PHLDB2: variants seen among roughly 807,000 people sequenced by gnomAD.
PHLDB2 encodes the protein pleckstrin homology-like domain family B member 2.
In PHLDB2, 71 loss-of-function variants were observed where a neutral mutation model predicts 123.6. That is an observed-to-expected ratio of 0.57 (90% CI 0.47 to 0.70). PHLDB2 has a LOEUF of 0.70. Among genes scored for constraint, PHLDB2 ranks in the 30% least tolerant of loss-of-function variants. The pLI, the probability that PHLDB2 is intolerant of heterozygous loss-of-function variation, is 0.00. For missense variants in PHLDB2, 1,446 were observed against 1,519.5 expected, an observed-to-expected ratio of 0.95 and a Z score of 0.80; for synonymous variants, 547 against 541.6, an observed-to-expected ratio of 1.01 and a Z score of -0.14.
intron 1 of PHLDB2, among the ~76,000 whole-genome samples, chr3:111,760,758 A>T (rs56052712): frequency 0.19 from 28,808 of 151,934 alleles, 2,880 homozygotes; most frequent in African/African-American, 0.21. Context: ...CAGAGCTTAG[A>T]TTAAAAAACT....
intron 6 of PHLDB2, among the ~76,000 whole-genome samples, chr3:111,935,500 AAGATAGATAGAT>A (rs67765854): frequency 4.1e-4 from 60 of 145,748 alleles, no homozygotes; most frequent in African/African-American, 8.2e-4. Flanking sequence ...ATGTGTATAT[AAGATAGATAGAT>A]AGATAGATAG....
intron 1 of PHLDB2, among the ~76,000 whole-genome samples, chr3:111,757,178 T>G (rs1406599916): frequency 3.3e-5 from 5 of 152,332 alleles, no homozygotes; most frequent in Admixed American, 2.0e-4. Flanking sequence ...TGTATTTCCT[T>G]AATCTGAATG....
At chr3:111,881,803 A>G (rs1192055118) in intron 1 of PHLDB2, among the ~76,000 whole-genome samples, 1 of 149,224 alleles carries the variant, frequency 6.7e-6, no homozygotes, top group African/African-American at 2.5e-5. Flanking sequence ...TTTCTAGGCT[A>G]CACAGTTAGT....
intron 1 of PHLDB2, among the ~76,000 whole-genome samples, chr3:111,792,433 T>A (rs1460052789): frequency 6.6e-6 from 1 of 152,148 alleles, no homozygotes; most frequent in Non-Finnish European, 1.5e-5. Context: ...GCACCAGGCA[T>A]GGTGGCTCAT....
chr3:111,732,532 A>G, exon 1 of PHLDB2: 1 of 1,224,942 alleles, frequency 8.2e-7, no homozygotes, highest in Non-Finnish European at 1.2e-6. Context: ...AGAGCAGGAA[A>G]GGAAATGGAA....
intron 2 of PHLDB2, among the ~76,000 whole-genome samples, chr3:111,886,265 C>T (rs960903704): frequency 1.9e-4 from 29 of 152,118 alleles, no homozygotes; most frequent in African/African-American, 5.3e-4. Flanking sequence ...GTGTTTTAGT[C>T]GCTAAAATAT....
intron 2 of PHLDB2, among the ~76,000 whole-genome samples, chr3:111,894,682 G>A (rs3933041): frequency 0.6 from 90,706 of 150,354 alleles, 28,109 homozygotes; most frequent in East Asian, 0.94. Flanking sequence ...CTTTTTTTTC[G>A]TATGTTTGTT....
chr3:111,853,903 G>C (rs1379631492), intron 2 of PHLDB2, among the ~76,000 whole-genome samples: 1 of 151,962 alleles, frequency 6.6e-6, no homozygotes, highest in African/African-American at 2.4e-5. Flanking sequence ...TTACTTTTCA[G>C]AATAGAAGTT....
intron 1 of PHLDB2, among the ~76,000 whole-genome samples, chr3:111,795,959 C>T (rs749257546): frequency 6.6e-6 from 1 of 152,028 alleles, no homozygotes; most frequent in African/African-American, 2.4e-5. Flanking sequence ...TGCAGTGGCG[C>T]GATCTCGGCT....
rs1338171554 is a variant in PHLDB2, at chr3:111,780,394, GAAGAAGAAGAAGAAGAAA to G, written c.-49+47696_-49+47713del. ...AGAAGAAGAAGAAGAAGAAGAAGAA[GAAGAAGAAGAAGAAGAAA>G]AAGATTAGTTCGGCCCAACTTTCTG... On this transcript the variant is annotated intron_variant, in intron 1 of 17. Coordinates refer to the PHLDB2 transcript ENST00000393923. Among the ~76,000 whole-genome samples, 20 of 49,396 alleles carry G rather than the reference GAAGAAGAAGAAGAAGAAA, an allele frequency of 4.0e-4. 3 individuals are homozygous for G. Among genetic ancestry groups the G allele is most frequent in the African/African-American group, 8.4e-4 (19 of 22,486 alleles). 32.4% of individuals were successfully genotyped at this position (49,396 alleles called of 152,430 possible).
intron 6 of PHLDB2, among the ~76,000 whole-genome samples, chr3:111,936,580 C>T (rs1397467285): frequency 6.6e-6 from 1 of 152,160 alleles, no homozygotes; most frequent in Non-Finnish European, 1.5e-5. Flanking sequence ...GCCTAATTTT[C>T]AACTTTCTTA....
intron 1 of PHLDB2, among the ~76,000 whole-genome samples, chr3:111,838,073 AAC>A (rs914860529): frequency 1.3e-5 from 2 of 150,736 alleles, no homozygotes; most frequent in Non-Finnish European, 3.0e-5. Flanking sequence ...AACAACAACA[AAC>A]ACACATTACT....
At chr3:111,964,754 G>T (rs2071640520) in intron 13 of PHLDB2, among the ~76,000 whole-genome samples, 1 of 152,068 alleles carries the variant, frequency 6.6e-6, no homozygotes, top group Admixed American at 6.6e-5. Flanking sequence ...AAATCTCATG[G>T]TGGGGGCAGG....
chr3:111,747,968 G>T (rs2059707456), intron 1 of PHLDB2, among the ~76,000 whole-genome samples: 1 of 152,174 alleles, frequency 6.6e-6, no homozygotes, highest in Non-Finnish European at 1.5e-5. Flanking sequence ...GGAGCTTCTG[G>T]TCCTACAGAG....
chr3:111,733,486 AC>A (rs988764556), intron 1 of PHLDB2, among the ~76,000 whole-genome samples: 1 of 151,684 alleles, frequency 6.6e-6, no homozygotes, highest in Non-Finnish European at 1.5e-5. Context: ...ATATCCCAAG[AC>A]CCCCCTTCCC....
chr3:111,792,889 A>G (rs1399711639), intron 1 of PHLDB2, among the ~76,000 whole-genome samples: 1 of 152,212 alleles, frequency 6.6e-6, no homozygotes, highest in African/African-American at 2.4e-5. Context: ...CAATGAAAAG[A>G]AGGAAGGATG....
At position 111,939,633 on chromosome 3, in the gene PHLDB2, A is replaced by G. The variant is rs1290509047; in HGVS notation, c.2286+3A>G. ...AACGGAACATCGTTTCTAGAAAGGT[A>G]CTTTTTCCAGGTGTCATTCAATGTG... On this transcript the variant is annotated splice_donor_region_variant and intron_variant, in intron 7 of 17. Transcript: ENST00000431670. 6.2e-7 allele frequency: 1 copy of G among 1,607,286 alleles called. No homozygotes were observed. The highest frequency in any genetic ancestry group is 8.5e-7 in the Non-Finnish European group (1 of 1,178,198).
At chr3:111,913,889 A>G in intron 3 of PHLDB2, 187 bp downstream of exon 3, 2 of 724,264 alleles carry the variant, frequency 2.8e-6, no homozygotes, top group Non-Finnish European at 4.4e-6. Flanking sequence ...ACAAATTTGC[A>G]CTGTAAAAAT....
chr3:111,891,574 A>G (rs968327328), intron 2 of PHLDB2, among the ~76,000 whole-genome samples: 2 of 151,952 alleles, frequency 1.3e-5, no homozygotes, highest in Non-Finnish European at 1.5e-5. Context: ...TTCATTACAC[A>G]TTACAGTGTA....
Sources: gnomAD v4.1 joint callset for allele counts (sites outside exome capture counted in the v4.1 genomes callset) on GRCh38, gnomAD v4.1.1 for gene constraint, MANE v1.5 for transcripts, NCBI Gene and HGNC (gene_info 2026-07-23, HGNC 2026-07-21) for gene names.